The following SRRM3 variants were observed in gnomAD, a reference collection of about 807,000 sequenced individuals.
SRRM3 encodes the protein serine/arginine repetitive matrix protein 3.
Under a neutral mutation model 66.2 loss-of-function variants are expected in SRRM3, and 27 were observed. The observed-to-expected ratio is 0.41, with a 90% confidence interval of 0.30 to 0.56. The LOEUF (loss-of-function observed/expected upper bound fraction) is 0.56. Ranked by LOEUF, SRRM3 falls within the 20% of genes least tolerant of loss-of-function variation. The pLI, the probability that SRRM3 is intolerant of heterozygous loss-of-function variation, is 0.32. For missense variants in SRRM3, 918 were observed against 991.9 expected (o/e 0.93, Z 1.00); for synonymous variants, 391 against 414.9 (o/e 0.94, Z 0.70).
chr7:76,226,824 C>T (rs1250164884), intron 1 of SRRM3, among the ~76,000 whole-genome samples: 1 of 152,154 alleles, frequency 6.6e-6, no homozygotes, highest in African/African-American at 2.4e-5. Flanking sequence ...CTCCTGGCCT[C>T]AGGTGATCCA....
At position 76,287,006 on chromosome 7, in the gene SRRM3, C is replaced by G. The variant is rs1274735058; in HGVS notation, c.*1163C>G. 6.5e-6 allele frequency: 1 copy of G among 152,706 alleles called. No homozygotes were observed. The highest frequency in any genetic ancestry group is 1.5e-5 in the Non-Finnish European group (1 of 68,136). 9.5% of individuals were successfully genotyped at this position (152,706 alleles called of 1,614,324 possible). ...CTCTGTAGAGATGGAGGCTACAGCCCTCAGAAGGGAGGGGAGGAAAGAGAC... is the reference window on the plus strand; with the variant it reads ...CTCTGTAGAGATGGAGGCTACAGCCGTCAGAAGGGAGGGGAGGAAAGAGAC... On this transcript the variant is annotated 3_prime_UTR_variant, in exon 15 of 15. Coordinates refer to ENST00000611745, the MANE Select transcript of SRRM3 (RefSeq NM_001110199.3).
intron 5 of SRRM3, 46 bp from the exon 6 acceptor site, chr7:76,260,828 A>G (rs1554608574): frequency 6.5e-7 from 1 of 1,550,248 alleles, no homozygotes; most frequent in South Asian, 1.2e-5. Context: ...GGCCCCAACT[A>G]ACCCCATCCA....
intron 3 of SRRM3, among the ~76,000 whole-genome samples, chr7:76,253,047 C>T: frequency 6.6e-6 from 1 of 151,348 alleles, no homozygotes; most frequent in East Asian, 2.0e-4. Context: ...ACCTGTAATC[C>T]CAGCTACTCA....
At position 76,259,910 on chromosome 7, in the gene SRRM3, G is replaced by C. The variant is rs782238983; in HGVS notation, c.340G>C (p.Ala114Pro). 3.1e-6 allele frequency: 5 copies of C among 1,601,576 alleles called. No homozygotes were observed. Among genetic ancestry groups the C allele is most frequent in the Non-Finnish European group, 4.2e-6 (5 of 1,179,556 alleles). ...REDRPGGHIVAETPRLTEGAE... is the reference protein window; with the variant it reads ...REDRPGGHIVPETPRLTEGAE... Reference sequence around the variant, plus strand: ...GAGCGTCCCTGTCGCCGGCAGTGTGGCGGAGACCCCGCGGCTGACCGAGGG... The same window carrying C: ...GAGCGTCCCTGTCGCCGGCAGTGTGCCGGAGACCCCGCGGCTGACCGAGGG... The change falls in exon 4 of 15, where the codon GCG becomes CCG. Residue 114 changes from alanine (A) to proline (P), a missense_variant. Physicochemically the swap from Ala to Pro is conservative, Grantham distance 27. Transcript: ENST00000611745.
rs1554608603 is a variant in SRRM3 at position 76,260,922 on chromosome 7, G to A, written c.575+19G>A. ...AATGCAGGTCAGTGGGGACAGAGCT[G>A]GCTGGGGCCAGGGCGGGGGATGTCT... On this transcript the variant is annotated intron_variant, in intron 6 of 14. Transcript: ENST00000611745. 1 of 1,557,572 alleles carries A rather than the reference G, an allele frequency of 6.4e-7. No homozygotes were observed. Among genetic ancestry groups the A allele is most frequent in the Admixed American group, 1.9e-5 (1 of 51,706 alleles).
intron 12 of SRRM3, 46 bp downstream of exon 12, chr7:76,281,848 CAG>C: frequency 8.4e-7 from 1 of 1,186,866 alleles, no homozygotes; most frequent in East Asian, 4.5e-5. Flanking sequence ...CCACCCCGCA[CAG>C]GGCTCCCCTC....
intron 1 of SRRM3, among the ~76,000 whole-genome samples, chr7:76,205,131 C>T (rs1800262279): frequency 6.6e-6 from 1 of 152,174 alleles, no homozygotes; most frequent in African/African-American, 2.4e-5. Context: ...CAGTCCCTCC[C>T]ATTCAGCCTA....
rs73373442 is a variant in SRRM3, at chr7:76,270,383, A to T, written c.1008+2948A>T. ...CTGAGACACTTCAGGCAAGCAAAAA[A>T]TTCCATCTTGGGCTGGGCACAGTGG... On this transcript the variant is annotated intron_variant, in intron 11 of 14. Coordinates refer to ENST00000611745, the MANE Select transcript of SRRM3 (RefSeq NM_001110199.3). 7.9e-3 allele frequency among the ~76,000 whole-genome samples: 1,196 copies of T among 152,272 alleles called. 17 individuals are homozygous for T. Among genetic ancestry groups the T allele is most frequent in the African/African-American group, 0.028 (1,153 of 41,566 alleles).
At position 76,261,363 on chromosome 7, in the gene SRRM3, C is replaced by T. The variant is rs782734714; in HGVS notation, c.587C>T (p.Ser196Phe). ...CCCTGTGTCCACAGCTGTGGGAGCT[C>T]CTCACCCCTCCGCAAGAAGAAGAAG... Reference protein sequence around the residue: ...RLESECSCGSSSPLRKKKKSV... With the variant: ...RLESECSCGSFSPLRKKKKSV... The change falls in exon 7 of 15, where the codon TCC becomes TTC. Residue 196 changes from serine (S) to phenylalanine (F), a missense_variant. Transcript: ENST00000611745. 3.2e-5 allele frequency: 49 copies of T among 1,541,150 alleles called. No individual in the cohort carries two copies. The highest frequency in any genetic ancestry group is 9.0e-5 in the Admixed American group (5 of 55,670).
chr7:76,265,505 G>A (rs782006095), intron 10 of SRRM3, 37 bp downstream of exon 10: 3 of 1,547,650 alleles, frequency 1.9e-6, no homozygotes, highest in East Asian at 4.7e-5. Context: ...CTCCTGGTGG[G>A]GGATGAGGGT....
In SRRM3 at chr7:76,248,193, C is replaced by T. The variant is rs370360717; in HGVS notation, c.239C>T (p.Ser80Leu). The change falls in exon 3 of 15, where the codon TCG becomes TTG. Residue 80 changes from serine (S) to leucine (L), a missense_variant. Transcript: ENST00000611745. ...CCCTCTCTGTGCCCCTGCAGGTATT[C>T]GGAGGAGGAGATTCGGCAGAAAGTG... ...LQEMMEEQGY[S>L]EEEIRQKVGT... 2.6e-5 allele frequency: 42 copies of T among 1,612,554 alleles called. No homozygotes were observed. The African/African-American group carries it at 5.2e-4, about 20-fold the overall frequency.
chr7:76,269,131 T>G (rs1802145914), intron 11 of SRRM3: 1 of 152,342 alleles, frequency 6.6e-6, no homozygotes, highest in African/African-American at 2.4e-5. Context: ...ATCCCCAGGA[T>G]AGGGCAGTCG....
intron 2 of SRRM3, among the ~76,000 whole-genome samples, chr7:76,237,283 T>C (rs181587449): frequency 6.6e-6 from 1 of 152,296 alleles, no homozygotes; most frequent in Admixed American, 6.5e-5. Context: ...GGCATGCACC[T>C]CTAGTCCCAG....
intron 1 of SRRM3, among the ~76,000 whole-genome samples, chr7:76,203,874 G>C (rs1054452428): frequency 1.3e-5 from 2 of 151,884 alleles, no homozygotes; most frequent in Non-Finnish European, 2.9e-5. Context: ...AGCTTTACAG[G>C]TGGGGAGCCT....
chr7:76,275,564 G>A (rs1379079991), intron 11 of SRRM3, among the ~76,000 whole-genome samples: 10 of 151,904 alleles, frequency 6.6e-5, no homozygotes, highest in Non-Finnish European at 1.3e-4. Context: ...GAGAAACTGT[G>A]TTGAAGCCCC....
At chr7:76,249,577 G>A (rs116461173) in intron 3 of SRRM3, among the ~76,000 whole-genome samples, 1,696 of 152,342 alleles carry the variant, frequency 0.011, 36 homozygotes, top group African/African-American at 0.039. Context: ...GGAGGAGGCT[G>A]CATTATGAGG....
intron 2 of SRRM3, among the ~76,000 whole-genome samples, chr7:76,237,712 C>T (rs1413434545): frequency 1.3e-5 from 2 of 152,068 alleles, no homozygotes; most frequent in African/African-American, 4.8e-5. Context: ...CTGCACTTTC[C>T]TGCTCCTCCT....
At position 76,235,182 on chromosome 7, in the gene SRRM3, T is replaced by C. The variant is rs1801111625; in HGVS notation, c.116T>C (p.Leu39Pro). 1.3e-6 allele frequency: 2 copies of C among 1,529,836 alleles called. No homozygotes were observed. The highest frequency in any genetic ancestry group is 1.7e-6 in the Non-Finnish European group (2 of 1,145,242). 94.8% of individuals were successfully genotyped at this position (1,529,836 alleles called of 1,614,324 possible). Residue 39 changes from leucine to proline, a missense_variant, in exon 2 of 15, where the codon CTG (leucine) becomes CCG (proline). Transcript: ENST00000611745. ...ACCTGGCCGCGGGCGGAAGAGGAGCTGCGCGCCGCGGAGCCGGGCCTGGTG... is the reference window on the plus strand; with the variant it reads ...ACCTGGCCGCGGGCGGAAGAGGAGCCGCGCGCCGCGGAGCCGGGCCTGGTG... ...SGTWPRAEEE[L>P]RAAEPGLVKR...
intron 1 of SRRM3, among the ~76,000 whole-genome samples, chr7:76,232,752 G>A (rs1176594541): frequency 2.0e-5 from 3 of 152,122 alleles, no homozygotes; most frequent in South Asian, 2.1e-4. Flanking sequence ...TGGTGGAGAC[G>A]GGGCTGGACC....
Sources: allele counts gnomAD v4.1 joint callset (sites outside exome capture counted in the v4.1 genomes callset), GRCh38; gene constraint gnomAD v4.1.1; transcripts MANE v1.5; gene names NCBI Gene and HGNC (gene_info 2026-07-23, HGNC 2026-07-21).